The following SARM1 variants were observed in gnomAD, a reference collection of about 807,000 sequenced individuals.
SARM1 encodes sterile alpha and TIR motif containing 1.
In SARM1, 60 loss-of-function variants were observed where a neutral mutation model predicts 65.1. That is an observed-to-expected ratio of 0.92 (90% CI 0.75 to 1.14). The LOEUF (loss-of-function observed/expected upper bound fraction) is 1.14. Among genes scored for constraint, SARM1 ranks in the 50% most tolerant of loss-of-function variants. The pLI is 0.00. For synonymous variants in SARM1, 417 were observed against 465.4 expected (o/e 0.90, Z 1.34); for missense variants, 913 against 1,015.7 (o/e 0.90, Z 1.37).
chr17:28,384,639 C>A lies in SARM1; in HGVS notation c.1302+70C>A. On this transcript the variant is annotated intron_variant, in intron 3 of 8. Transcript: ENST00000585482. The surrounding 1 kb of genome is among the most constrained non-coding windows in gnomAD (Gnocchi z 4.4). ...CCTGTGCACAGGGACTGCGTTCCCT[C>A]CCCGCCTCGCAATCCCGCGGCGCCA... The A allele has an allele frequency of 7.0e-7, 1 of 1,422,742 alleles. No individual in the cohort carries two copies. Among genetic ancestry groups the A allele is most frequent in the South Asian group, 1.4e-5 (1 of 73,192 alleles). The allele number at this position is 1,422,742 out of a possible 1,614,324, so 88.1% of individuals were successfully genotyped here.
Position 28,400,562 on chromosome 17 carries a change from T to C in SARM1, c.*4276T>C. The C allele has an allele frequency of 6.2e-7, 1 of 1,605,324 alleles. No individual in the cohort carries two copies. The highest frequency in any genetic ancestry group is 8.5e-7 in the Non-Finnish European group (1 of 1,175,252). ...GGTTGGGAGGAGAAGAGGAAACTTTTAAGAGAAAGGGCTCCATTATGAGCA... is the reference window on the plus strand; with the variant it reads ...GGTTGGGAGGAGAAGAGGAAACTTTCAAGAGAAAGGGCTCCATTATGAGCA... On this transcript the variant is annotated 3_prime_UTR_variant, in exon 9 of 9. Transcript: ENST00000585482.
chr17:28,386,631 A>G (rs1255075722), intron 5 of SARM1: 3 of 152,266 alleles, frequency 2.0e-5, no homozygotes, highest in Non-Finnish European at 2.9e-5. Context: ...AGCACCCACA[A>G]GACACAAGGG....
Position 28,384,433 on chromosome 17 carries a change from T to C in SARM1, c.1166T>C (p.Leu389Pro), listed in dbSNP as rs2142430902. ...SYSTNGTKSA[L>P]AKRALRLLGE... ...TCTACCAATGGCACTAAGTCGGCGC[T>C]GGCCAAGCGCGCGCTGCGCCTGCTG... Residue 389 changes from leucine to proline, a missense_variant, in exon 3 of 9, where the codon CTG (leucine) becomes CCG (proline). By Grantham distance (98) the Leu-to-Pro change is moderately conservative. Around this residue, in one of 3 missense-constraint regions of SARM1, gnomAD observed 862 missense variants for 952.1 expected, o/e 0.91. Coordinates refer to ENST00000585482, the MANE Select transcript of SARM1 (RefSeq NM_015077.4). The surrounding 1 kb of genome is among the most constrained non-coding windows in gnomAD (Gnocchi z 4.4). The C allele has an allele frequency of 1.9e-6, 3 of 1,613,178 alleles. No individual in the cohort carries two copies. Among genetic ancestry groups the C allele is most frequent in the African/African-American group, 2.7e-5 (2 of 75,056 alleles).
Position 28,395,961 on chromosome 17 carries a change from C to G in SARM1, c.1980C>G (p.Phe660Leu), listed in dbSNP as rs782282998. The G allele has an allele frequency of 4.3e-6, 7 of 1,613,970 alleles. No homozygotes were observed. The highest frequency in any genetic ancestry group is 5.1e-6 in the Non-Finnish European group (6 of 1,179,884). ...ACATTGTGCCCATCATTGATGGCTTCGAGTGGCCTGAGCCCCAGGTCCTGC... is the reference window on the plus strand; with the variant it reads ...ACATTGTGCCCATCATTGATGGCTTGGAGTGGCCTGAGCCCCAGGTCCTGC... ...GKNIVPIIDG[F>L]EWPEPQVLPE... is the part of the protein sequence containing the mutation. The change falls in exon 8 of 9, where the codon TTC (phenylalanine) becomes TTG (leucine). Residue 660 changes from phenylalanine (F) to leucine (L), a missense_variant. By Grantham distance (22) the Phe-to-Leu change is conservative. Transcript: ENST00000585482.
chr17:28,394,270 C>T (rs1434502601), intron 7 of SARM1, among the ~76,000 whole-genome samples: 1 of 152,116 alleles, frequency 6.6e-6, no homozygotes, highest in Non-Finnish European at 1.5e-5. Context: ...TGAGGAAAGA[C>T]CTGGTGGGGG....
At chr17:28,380,199 G>A (rs2068014578) in intron 1 of SARM1, among the ~76,000 whole-genome samples, 1 of 151,030 alleles carries the variant, frequency 6.6e-6, no homozygotes, top group African/African-American at 2.4e-5. Context: ...CATTCTACAG[G>A]CATGAGCCAC....
At position 28,372,680 on chromosome 17, in the gene SARM1, AG is replaced by A. The variant is rs569036109; in HGVS notation, c.470+179del. Among the ~76,000 whole-genome samples the A allele has an allele frequency of 2.0e-5, 3 of 152,342 alleles. No homozygotes were observed. In the East Asian group the frequency reaches 5.8e-4, roughly 29 times the overall value. On this transcript the variant is annotated intron_variant, in intron 1 of 8. Coordinates refer to ENST00000585482, the MANE Select transcript of SARM1 (RefSeq NM_015077.4). This position sits in a 1 kb window ranked among gnomAD's most constrained non-coding sequence, Gnocchi z 5.2. ...AGATAAGGAAACTGAGCCTTGGGAAAGTTTAGTGACTTGCTCAGTGGATCAC... is the reference window on the plus strand; with the variant it reads ...AGATAAGGAAACTGAGCCTTGGGAAATTTAGTGACTTGCTCAGTGGATCAC...
chr17:28,381,084 C>A, intron 1 of SARM1, 119 bp from the exon 2 acceptor site: 2 of 1,208,920 alleles, frequency 1.7e-6, no homozygotes, highest in Admixed American at 3.1e-5. Context: ...GAGGGGAATG[C>A]TCTCCCCTAT....
chr17:28,375,916 A>C (rs1436405308), intron 1 of SARM1, among the ~76,000 whole-genome samples: 9 of 152,206 alleles, frequency 5.9e-5, no homozygotes, highest in African/African-American at 2.2e-4. Flanking sequence ...TTCCAGAGAG[A>C]GTCTCTGCAT....
At chr17:28,379,391 A>G (rs2068009300) in intron 1 of SARM1, among the ~76,000 whole-genome samples, 2 of 143,148 alleles carry the variant, frequency 1.4e-5, no homozygotes, top group African/African-American at 2.7e-5. Context: ...GCTCACTGCA[A>G]GCTCCGCCTC....
At chr17:28,394,979 G>A (rs1345255426) in intron 7 of SARM1, 21 of 151,266 alleles carry the variant, frequency 1.4e-4, no homozygotes, top group Admixed American at 1.4e-3. Context: ...ATCTAAGGGA[G>A]TCTTATCTCT....
In SARM1 at chr17:28,396,967, G is replaced by C. The variant is rs533548408; in HGVS notation, c.*681G>C. On this transcript the variant is annotated 3_prime_UTR_variant, in exon 9 of 9. Transcript: ENST00000585482. ...CTTCCTTGTCACTGCAGCCAGCTTT[G>C]CTGCACTTGCTGGTGCACAGGAGCC... 1 of 152,548 alleles carries C rather than the reference G, an allele frequency of 6.6e-6. No homozygotes were observed. The highest frequency in any genetic ancestry group is 1.9e-4 in the East Asian group (1 of 5,184). 9.4% of individuals were successfully genotyped at this position (152,548 alleles called of 1,614,324 possible). A position where few individuals can be genotyped will look rare whatever the true frequency, so the allele number is the denominator to read the frequency against.
intron 5 of SARM1, 37 bp from the exon 6 acceptor site, chr17:28,388,135 AGG>A: frequency 7.2e-7 from 1 of 1,382,540 alleles, no homozygotes; most frequent in Non-Finnish European, 1.0e-6. Flanking sequence ...AGTGATGCGG[AGG>A]GGCCACCTTC....
chr17:28,383,437 C>A (rs1261076129), intron 2 of SARM1, among the ~76,000 whole-genome samples: 67 of 152,282 alleles, frequency 4.4e-4, no homozygotes, highest in African/African-American at 1.4e-3. Flanking sequence ...TTTCAACATC[C>A]AGTGTTCTAG....
At position 28,385,326 on chromosome 17, in the gene SARM1, C is replaced by T; in HGVS notation, c.1630+51C>T. The T allele has an allele frequency of 7.2e-7, 1 of 1,384,574 alleles. No homozygotes were observed. The highest frequency in any genetic ancestry group is 9.7e-7 in the Non-Finnish European group (1 of 1,035,458). The allele number at this position is 1,384,574 out of a possible 1,614,324, so 85.8% of individuals were successfully genotyped here. ...CCCCAGCCCCAGCCCCAGCCACGGCCCTGGAATGGTGAGGGGAGACACGGG... is the reference window on the plus strand; with the variant it reads ...CCCCAGCCCCAGCCCCAGCCACGGCTCTGGAATGGTGAGGGGAGACACGGG... On this transcript the variant is annotated intron_variant, in intron 5 of 8. Coordinates refer to ENST00000585482, the MANE Select transcript of SARM1 (RefSeq NM_015077.4). The surrounding 1 kb of genome is among the most constrained non-coding windows in gnomAD (Gnocchi z 4.5).
At chr17:28,377,583 A>T (rs2067999965) in intron 1 of SARM1, among the ~76,000 whole-genome samples, 1 of 152,232 alleles carries the variant, frequency 6.6e-6, no homozygotes, top group Non-Finnish European at 1.5e-5. Flanking sequence ...GGACTCAGGT[A>T]GGTTCTGCAG....
At position 28,384,881 on chromosome 17, in the gene SARM1, G is replaced by A. The variant is rs374600669; in HGVS notation, c.1345G>A (p.Glu449Lys). Residue 449 changes from glutamate (E) to lysine (K), a missense_variant, in exon 4 of 9, where the codon GAG becomes AAG. By Grantham distance (56) the Glu-to-Lys change is moderately conservative. Around this residue, in one of 3 missense-constraint regions of SARM1, gnomAD observed 862 missense variants for 952.1 expected, o/e 0.91. Coordinates refer to ENST00000585482, the MANE Select transcript of SARM1 (RefSeq NM_015077.4). This position sits in a 1 kb window ranked among gnomAD's most constrained non-coding sequence, Gnocchi z 4.4. ...DGDLLLRLTE[E>K]ELQTDLGMKS... is the part of the protein sequence containing the mutation. ...CGACCTGCTTCTGCGGCTCACGGAGGAGGAACTCCAGACCGACCTGGGCAT... is the reference window on the plus strand; with the variant it reads ...CGACCTGCTTCTGCGGCTCACGGAGAAGGAACTCCAGACCGACCTGGGCAT... 1.3e-6 allele frequency: 2 copies of A among 1,559,692 alleles called. No homozygotes were observed. The highest frequency in any genetic ancestry group is 1.7e-6 in the Non-Finnish European group (2 of 1,151,956).
chr17:28,389,733 CA>C (rs1360588137), intron 7 of SARM1, among the ~76,000 whole-genome samples: 2 of 152,116 alleles, frequency 1.3e-5, no homozygotes, highest in African/African-American at 4.8e-5. Flanking sequence ...TAAAAAAATA[CA>C]AAAATTAGCC....
Position 28,399,549 on chromosome 17 carries a change from A to G in SARM1, c.*3263A>G. ...CTCGTCCAAAGAGAGCACTGCCCTT[A>G]GACAAGAGTTGCTTGTCCTGCTGTG... On this transcript the variant is annotated 3_prime_UTR_variant, in exon 9 of 9. Transcript: ENST00000585482. 2 of 1,155,314 alleles carry G rather than the reference A, an allele frequency of 1.7e-6. No individual in the cohort carries two copies. The highest frequency in any genetic ancestry group is 2.6e-6 in the Non-Finnish European group (2 of 780,946). 71.6% of individuals were successfully genotyped at this position (1,155,314 alleles called of 1,614,324 possible).
Sources: allele counts gnomAD v4.1 joint callset (sites outside exome capture counted in the v4.1 genomes callset), GRCh38; gene constraint gnomAD v4.1.1; regional missense constraint gnomAD v4.1.1; non-coding constraint Gnocchi (gnomAD v3.1); transcripts MANE v1.5; gene names NCBI Gene and HGNC (gene_info 2026-07-23, HGNC 2026-07-21).